Variants in EHF observed in about 807,000 individuals in gnomAD.
EHF encodes the protein ESE3 transcription factor.
Under a neutral mutation model 45.1 loss-of-function variants are expected in EHF, and 14 were observed. That is an observed-to-expected ratio of 0.31 (90% CI 0.21 to 0.49). EHF has a LOEUF of 0.49. EHF is among the 20% of genes least tolerant of loss of function. The pLI, the probability that EHF is intolerant of heterozygous loss-of-function variation, is 0.99. For synonymous variants in EHF, 136 were observed against 131.8 expected, an observed-to-expected ratio of 1.03 and a Z score of -0.22; for missense variants, 282 against 371.4, an observed-to-expected ratio of 0.76 and a Z score of 1.98.
chr11:34,629,659 T>C lies in EHF; in HGVS notation c.-4+8431T>C, dbSNP rs1366521069. 2.6e-5 allele frequency among the ~76,000 whole-genome samples: 4 copies of C among 152,172 alleles called. No homozygotes were observed. The East Asian group carries it at 5.8e-4, about 22-fold the overall frequency. On this transcript the variant is annotated intron_variant, in intron 1 of 8. Coordinates refer to ENST00000257831, the MANE Select transcript of EHF (RefSeq NM_012153.6). ...AACAGGGATGTGGACGTAGTGATGGTGGAAGAGGGGAAGACTTTTCCTCGA... is the reference window on the plus strand; with the variant it reads ...AACAGGGATGTGGACGTAGTGATGGCGGAAGAGGGGAAGACTTTTCCTCGA...
intron 1 of EHF, among the ~76,000 whole-genome samples, chr11:34,634,023 C>T (rs745894888): frequency 1.3e-5 from 2 of 152,084 alleles, no homozygotes; most frequent in Non-Finnish European, 2.9e-5. Context: ...CCCCTGGGAA[C>T]GTGAAAAATG....
intron 1 of EHF, among the ~76,000 whole-genome samples, chr11:34,636,890 G>A (rs953879832): frequency 2.0e-5 from 3 of 152,226 alleles, no homozygotes; most frequent in Admixed American, 6.5e-5. Flanking sequence ...TTAGCCGGGC[G>A]TGGTGGTGCA....
intron 1 of EHF, among the ~76,000 whole-genome samples, chr11:34,636,032 C>T (rs1945440915): frequency 6.6e-6 from 1 of 152,084 alleles, no homozygotes; most frequent in African/African-American, 2.4e-5. Flanking sequence ...TGCCAGTCAG[C>T]CAGAACTGGA....
At chr11:34,630,611 A>G (rs1333457273) in intron 1 of EHF, among the ~76,000 whole-genome samples, 2 of 151,754 alleles carry the variant, frequency 1.3e-5, no homozygotes, top group Non-Finnish European at 2.9e-5. Context: ...GTTCATCCTG[A>G]CCCCTCCCTG....
rs995873451 is a variant in EHF at position 34,660,180 on chromosome 11, A to T, written c.*1249A>T. The T allele has an allele frequency of 2.0e-5, 3 of 152,180 alleles. No homozygotes were observed. Among genetic ancestry groups the T allele is most frequent in the Admixed American group, 2.0e-4 (3 of 15,262 alleles). The allele number at this position is 152,180 out of a possible 1,614,324, so 9.4% of individuals were successfully genotyped here. A position where few individuals can be genotyped will look rare whatever the true frequency, so the allele number is the denominator to read the frequency against. ...TAGAGGAGCTTCTTTTCAGAACCCC[A>T]GATGAGAGCCAATGTCAGATAAAGT... On this transcript the variant is annotated 3_prime_UTR_variant, in exon 9 of 9. Coordinates refer to ENST00000257831, the MANE Select transcript of EHF (RefSeq NM_012153.6).
At chr11:34,651,233 G>A (rs527509378) in intron 4 of EHF, among the ~76,000 whole-genome samples, 31 of 152,126 alleles carry the variant, frequency 2.0e-4, no homozygotes, top group African/African-American at 5.3e-4. Flanking sequence ...ACAAAGCCAA[G>A]CCAGGTTAGG....
At chr11:34,623,266 A>AT (rs1852107357) in intron 1 of EHF, among the ~76,000 whole-genome samples, 1 of 152,038 alleles carries the variant, frequency 6.6e-6, no homozygotes, top group Non-Finnish European at 1.5e-5. Flanking sequence ...TTGTATTTTT[A>AT]GTAGAGACGG....
chr11:34,649,118 G>A, intron 4 of EHF, 37 bp downstream of exon 4: 1 of 1,609,218 alleles, frequency 6.2e-7, no homozygotes, highest in Non-Finnish European at 8.5e-7. Flanking sequence ...AACCTAGCCT[G>A]GCAAAGCTCC....
chr11:34,654,459 G>A (rs1855486919), intron 6 of EHF, among the ~76,000 whole-genome samples: 1 of 152,206 alleles, frequency 6.6e-6, no homozygotes, highest in African/African-American at 2.4e-5. Context: ...CCTGCACACT[G>A]CAACAGGCAG....
intron 1 of EHF, among the ~76,000 whole-genome samples, chr11:34,641,461 G>A (rs2134095317): frequency 6.6e-6 from 1 of 152,256 alleles, no homozygotes; most frequent in Middle Eastern, 3.4e-3. Flanking sequence ...TTAGGGGAAG[G>A]AATGCCAAGG....
rs1347142554 is a variant in EHF, at chr11:34,659,499, T to C, written c.*568T>C. 1 of 152,712 alleles carries C rather than the reference T, an allele frequency of 6.5e-6. No homozygotes were observed. The highest frequency in any genetic ancestry group is 2.4e-5 in the African/African-American group (1 of 41,430). The allele number at this position is 152,712 out of a possible 1,614,324, so 9.5% of individuals were successfully genotyped here. A position where few individuals can be genotyped will look rare whatever the true frequency, so the allele number is the denominator to read the frequency against. ...GAATGGGGACTTCCAAAACCCAAGG[T>C]TGGCTATAATCTCTGCATAACCACA... On this transcript the variant is annotated 3_prime_UTR_variant, in exon 9 of 9. Transcript: ENST00000257831.
At chr11:34,633,560 T>C (rs950493992) in intron 1 of EHF, among the ~76,000 whole-genome samples, 2 of 152,208 alleles carry the variant, frequency 1.3e-5, no homozygotes. Flanking sequence ...ATGGGGGTAC[T>C]GAGCATTAGG....
At chr11:34,658,063 C>A (rs536803590) in intron 7 of EHF, among the ~76,000 whole-genome samples, 4 of 152,192 alleles carry the variant, frequency 2.6e-5, no homozygotes, top group Admixed American at 2.0e-4. Context: ...CATTCTAGAC[C>A]CTTACTGATT....
rs187782731 is a variant in EHF at position 34,622,810 on chromosome 11, G to A, written c.-4+1582G>A. On this transcript the variant is annotated intron_variant, in intron 1 of 8. Coordinates refer to ENST00000257831, the MANE Select transcript of EHF (RefSeq NM_012153.6). ...GGGAGTCATTTGGAGGTCTGTAGTT[G>A]AACTTGAAAAAATAATAAATGTAAT... Among the ~76,000 whole-genome samples the A allele has an allele frequency of 1.1e-3, 172 of 152,268 alleles. 1 individual carries two copies. Among genetic ancestry groups the A allele is most frequent in the Non-Finnish European group, 2.2e-3 (152 of 68,018 alleles).
chr11:34,628,714 C>A (rs1478494222), intron 1 of EHF, among the ~76,000 whole-genome samples: 1 of 152,138 alleles, frequency 6.6e-6, no homozygotes, highest in East Asian at 1.9e-4. Flanking sequence ...TTAATCCTCC[C>A]AATGACCTCA....
chr11:34,651,632 A>G, intron 5 of EHF, 22 bp downstream of exon 5: 1 of 1,610,648 alleles, frequency 6.2e-7, no homozygotes, highest in Non-Finnish European at 8.5e-7. Context: ...CCTGACACTT[A>G]AGGCCCTTTA....
intron 1 of EHF, among the ~76,000 whole-genome samples, chr11:34,630,489 T>C (rs1272365775): frequency 6.6e-6 from 1 of 152,234 alleles, no homozygotes; most frequent in African/African-American, 2.4e-5. Flanking sequence ...TTTCTAATTA[T>C]ATAATCTTCA....
intron 6 of EHF, among the ~76,000 whole-genome samples, chr11:34,656,253 GC>G (rs1272756427): frequency 6.6e-6 from 1 of 152,008 alleles, no homozygotes; most frequent in East Asian, 1.9e-4. Context: ...GTCCACTGTG[GC>G]CCTCTGTATT....
chr11:34,632,542 C>G (rs1852988292), intron 1 of EHF: 1 of 1,535,360 alleles, frequency 6.5e-7, no homozygotes. Flanking sequence ...GCATTATCCT[C>G]TCTGCCAACT....
Sources: gnomAD v4.1 joint callset for allele counts (sites outside exome capture counted in the v4.1 genomes callset) on GRCh38, gnomAD v4.1.1 for gene constraint, MANE v1.5 for transcripts, NCBI Gene and HGNC (gene_info 2026-07-23, HGNC 2026-07-21) for gene names.